Variants in SMC5 observed in about 807,000 individuals in gnomAD.
SMC5 encodes the protein structural maintenance of chromosomes 5.
A neutral mutation model predicts 148.3 loss-of-function variants in SMC5; 88 were observed. The ratio of observed to expected loss-of-function variants is 0.59; its 90% CI spans 0.50 to 0.71. SMC5 has a LOEUF of 0.71. SMC5 is among the 30% of genes least tolerant of loss of function. The probability of loss-of-function intolerance (pLI) is 0.00; values close to 1 mark genes in which losing one functional copy is unlikely to be tolerated. For missense variants in SMC5, 1,142 were observed against 1,298.9 expected (o/e 0.88, Z 1.86); for synonymous variants, 421 against 432.8 (o/e 0.97, Z 0.34).
At chr9:70,269,598 A>G (rs1356895311) in intron 3 of SMC5, among the ~76,000 whole-genome samples, 1 of 152,138 alleles carries the variant, frequency 6.6e-6, no homozygotes, top group African/African-American at 2.4e-5. Flanking sequence ...AACAAAAACA[A>G]AAAAAGTCAA....
At chr9:70,264,242 T>C (rs895744358) in intron 1 of SMC5, 62 bp from the exon 2 acceptor site, 2 of 1,488,862 alleles carry the variant, frequency 1.3e-6, no homozygotes, top group Admixed American at 3.7e-5. Context: ...TCATAGATAA[T>C]GTAAAGCAAG....
chr9:70,305,446 A>G, intron 11 of SMC5, 86 bp downstream of exon 11: 1 of 778,938 alleles, frequency 1.3e-6, no homozygotes, highest in Non-Finnish European at 2.2e-6. Context: ...GCAAAATGTG[A>G]TAGCTAATTT....
chr9:70,333,731 A>C (rs1438446999), intron 17 of SMC5, among the ~76,000 whole-genome samples: 2 of 152,120 alleles, frequency 1.3e-5, no homozygotes, highest in Non-Finnish European at 2.9e-5. Context: ...ACTCTGTCCC[A>C]AAAAAAGAAA....
chr9:70,258,989 G>C lies in SMC5; in HGVS notation c.-90G>C, dbSNP rs2034000950. 7.0e-7 allele frequency: 1 copy of C among 1,426,282 alleles called. No homozygotes were observed. Among genetic ancestry groups the C allele is most frequent in the Non-Finnish European group, 9.3e-7 (1 of 1,076,942 alleles). 88.4% of individuals were successfully genotyped at this position (1,426,282 alleles called of 1,614,324 possible). ...TAACAGTTCGCGGCAGTTCGCGCGG[G>C]AGCGGGGCGCCTGGGTGGATGGGCG... is the stretch of plus-strand genomic sequence containing the variant. On this transcript the variant is annotated 5_prime_UTR_variant, in exon 1 of 25. Coordinates refer to ENST00000361138, the MANE Select transcript of SMC5 (RefSeq NM_015110.4).
intron 7 of SMC5, among the ~76,000 whole-genome samples, chr9:70,284,418 G>T (rs546536291): frequency 6.6e-6 from 1 of 152,154 alleles, no homozygotes; most frequent in Admixed American, 6.6e-5. Flanking sequence ...CTTCCTCAAG[G>T]ATATGAAACT....
intron 17 of SMC5, among the ~76,000 whole-genome samples, chr9:70,337,845 T>C (rs1201263813): frequency 2.1e-5 from 2 of 96,108 alleles, no homozygotes; most frequent in African/African-American, 6.7e-5. Flanking sequence ...AATCAGTGAA[T>C]TACTAATTTT....
intron 8 of SMC5, among the ~76,000 whole-genome samples, chr9:70,290,552 A>G (rs897235275): frequency 2.8e-4 from 43 of 152,208 alleles, no homozygotes; most frequent in African/African-American, 9.9e-4. Flanking sequence ...CATTTATGTT[A>G]TATTTTACAT....
rs1249448086 is a variant in SMC5 at position 70,353,009 on chromosome 9, A to C, written c.*678A>C. ...CAAGGTGGCCACTAGATGATGCAAA[A>C]TACAACCAAAAGATTGACTGAGAAT... On this transcript the variant is annotated 3_prime_UTR_variant, in exon 25 of 25. Transcript: ENST00000361138. The C allele has an allele frequency of 6.6e-6, 1 of 151,948 alleles. No individual in the cohort carries two copies. Among genetic ancestry groups the C allele is most frequent in the African/African-American group, 2.4e-5 (1 of 41,366 alleles). 9.4% of individuals were successfully genotyped at this position (151,948 alleles called of 1,614,324 possible).
At position 70,309,833 on chromosome 9, in the gene SMC5, T is replaced by A. The variant is rs2035612570; in HGVS notation, c.1578+4473T>A. On this transcript the variant is annotated intron_variant, in intron 11 of 24. Transcript: ENST00000361138. ...TCCTCCCATGAATCAAAAATGTTCT[T>A]AATGACATGTAGAATGATGAATCTT... 1.3e-5 allele frequency among the ~76,000 whole-genome samples: 2 copies of A among 152,192 alleles called. 1 individual carries two copies. The highest frequency in any genetic ancestry group is 2.9e-5 in the Non-Finnish European group (2 of 68,028).
chr9:70,352,392 T>C lies in SMC5; in HGVS notation c.*61T>C, dbSNP rs1246563878. 5 of 1,472,066 alleles carry C rather than the reference T, an allele frequency of 3.4e-6. No homozygotes were observed. The highest frequency in any genetic ancestry group is 4.6e-6 in the Non-Finnish European group (5 of 1,093,554). 91.2% of individuals were successfully genotyped at this position (1,472,066 alleles called of 1,614,324 possible). A position where few individuals can be genotyped will look rare whatever the true frequency, so the allele number is the denominator to read the frequency against. On this transcript the variant is annotated 3_prime_UTR_variant, in exon 25 of 25. Transcript: ENST00000361138. The stretch of plus-strand genomic sequence containing the variant: ...GTTAAATTCTGTTTATAAGTATGGC[T>C]CAACTGAATAAAAGGAGATTCACTA...
intron 1 of SMC5, among the ~76,000 whole-genome samples, chr9:70,260,983 C>G (rs898547003): frequency 1.3e-5 from 2 of 152,166 alleles, no homozygotes; most frequent in Non-Finnish European, 2.9e-5. Flanking sequence ...GCTCAAGAAA[C>G]TCACCTCGGC....
At chr9:70,281,865 T>C (rs776318466) in intron 6 of SMC5, among the ~76,000 whole-genome samples, 5 of 152,068 alleles carry the variant, frequency 3.3e-5, no homozygotes, top group African/African-American at 4.8e-5. Flanking sequence ...TTCTTCTTTT[T>C]TGATGTACTT....
chr9:70,346,803 C>G (rs2036677110), intron 19 of SMC5, among the ~76,000 whole-genome samples, 154 bp downstream of exon 19: 2 of 152,178 alleles, frequency 1.3e-5, no homozygotes, highest in Admixed American at 6.5e-5. Flanking sequence ...TCTCTAAATT[C>G]CTAGCCTATA....
intron 17 of SMC5, among the ~76,000 whole-genome samples, chr9:70,324,591 A>G (rs761532854): frequency 1.6e-4 from 25 of 152,156 alleles, no homozygotes; most frequent in Admixed American, 1.1e-3. Context: ...ATACTGCAGT[A>G]CTATTCTGAC....
rs577987270 is a variant in SMC5, at chr9:70,326,384, G to A, written c.2397+2241G>A. ...TACCTCATGAAAACTTACGTAAATG[G>A]ATGAGCAAAGGTGTACCAGGCAAAT... On this transcript the variant is annotated intron_variant, in intron 17 of 24. Transcript: ENST00000361138. Among the ~76,000 whole-genome samples, 6 of 152,110 alleles carry A rather than the reference G, an allele frequency of 3.9e-5. No individual in the cohort carries two copies. The South Asian group carries it at 1.2e-3, about 32-fold the overall frequency.
chr9:70,278,340 ATTATT>A (rs2034651874), intron 4 of SMC5, 146 bp from the exon 5 acceptor site: 2 of 709,350 alleles, frequency 2.8e-6, no homozygotes, highest in Non-Finnish European at 4.4e-6. Context: ...GTTTATCTTC[ATTATT>A]CTAAAGAATA....
chr9:70,286,176 C>T (rs41312186), intron 7 of SMC5, 24 bp from the exon 8 acceptor site: 63,878 of 1,404,026 alleles, frequency 0.045, 3,595 homozygotes, highest in Non-Finnish European at 0.056. Context: ...GCTGTCCCCC[C>T]CTCTCCCCGG....
chr9:70,328,487 C>T (rs983679631), intron 17 of SMC5, among the ~76,000 whole-genome samples: 2 of 152,218 alleles, frequency 1.3e-5, no homozygotes, highest in Admixed American at 6.5e-5. Context: ...AGTCTTAATG[C>T]TCCCAAAAAG....
At chr9:70,300,327 T>G (rs562984439) in intron 10 of SMC5, 127 bp downstream of exon 10, 1 of 766,636 alleles carries the variant, frequency 1.3e-6, no homozygotes, top group Non-Finnish European at 2.0e-6. Flanking sequence ...TCTGGCATAC[T>G]GCTGAATCTA....
Sources: gnomAD v4.1 joint callset for allele counts (sites outside exome capture counted in the v4.1 genomes callset) on GRCh38, gnomAD v4.1.1 for gene constraint, MANE v1.5 for transcripts, NCBI Gene and HGNC (gene_info 2026-07-23, HGNC 2026-07-21) for gene names.